PTPRG: variants seen among roughly 807,000 people sequenced by gnomAD.
PTPRG encodes protein tyrosine phosphatase receptor type G, also known as receptor-type tyrosine-protein phosphatase gamma.
PTPRG carries 102 observed loss-of-function variants against 165.3 expected under a neutral mutation model. The observed-to-expected ratio is 0.62, with a 90% CI of 0.53 to 0.73. PTPRG has a LOEUF of 0.73. Among genes scored for constraint, PTPRG ranks in the 30% least tolerant of loss-of-function variants. The pLI is 0.00. For synonymous variants in PTPRG, 675 were observed against 669.5 expected, an observed-to-expected ratio of 1.01 and a Z score of -0.13; for missense variants, 1,866 against 1,861.4, an observed-to-expected ratio of 1.00 and a Z score of -0.05.
At chr3:61,632,113 T>G (rs1238222462) in intron 1 of PTPRG, among the ~76,000 whole-genome samples, 3 of 152,136 alleles carry the variant, frequency 2.0e-5, no homozygotes, top group Non-Finnish European at 4.4e-5. Context: ...AAGACCAGCC[T>G]TGGCAACATG....
At chr3:61,569,192 T>G (rs1352502593) in intron 1 of PTPRG, among the ~76,000 whole-genome samples, 3 of 152,200 alleles carry the variant, frequency 2.0e-5, no homozygotes. Flanking sequence ...GCTTTTCTAT[T>G]TGTTTTCTAA....
At chr3:61,653,891 G>A (rs1354951776) in intron 1 of PTPRG, among the ~76,000 whole-genome samples, 1 of 27,384 alleles carries the variant, frequency 3.7e-5, no homozygotes, top group Non-Finnish European at 8.7e-5. Flanking sequence ...TTGTTAAGCG[G>A]GGAGCGGTGG....
intron 14 of PTPRG, among the ~76,000 whole-genome samples, chr3:62,235,917 A>T (rs774482256): frequency 3.3e-5 from 5 of 152,070 alleles, no homozygotes; most frequent in Non-Finnish European, 7.4e-5. Context: ...ATGCCCTGGG[A>T]CTTCCACAGC....
At chr3:62,072,539 G>T (rs1307296605) in intron 4 of PTPRG, among the ~76,000 whole-genome samples, 1 of 151,948 alleles carries the variant, frequency 6.6e-6, no homozygotes, top group African/African-American at 2.4e-5. Flanking sequence ...ATTGTGCCCT[G>T]GTGCAAGCAG....
At chr3:61,916,709 T>C (rs1403237638) in intron 2 of PTPRG, among the ~76,000 whole-genome samples, 2 of 152,236 alleles carry the variant, frequency 1.3e-5, no homozygotes, top group Non-Finnish European at 2.9e-5. Context: ...ATCTATTTTA[T>C]CCTCATAACA....
At chr3:61,615,484 AT>A (rs1359943506) in intron 1 of PTPRG, among the ~76,000 whole-genome samples, 2 of 152,148 alleles carry the variant, frequency 1.3e-5, no homozygotes, top group African/African-American at 4.8e-5. Flanking sequence ...AGGTGATTTG[AT>A]TTGTCCCATT....
chr3:62,138,687 C>T (rs1703807426), intron 6 of PTPRG, among the ~76,000 whole-genome samples: 1 of 139,758 alleles, frequency 7.2e-6, no homozygotes, highest in African/African-American at 2.6e-5. Flanking sequence ...CCATTGTACT[C>T]CAGCCTCAGT....
At chr3:61,919,029 A>G (rs149534087) in intron 2 of PTPRG, among the ~76,000 whole-genome samples, 1,626 of 152,238 alleles carry the variant, frequency 0.011, 36 homozygotes, top group South Asian at 0.093. Flanking sequence ...GTGTAGTAGG[A>G]GAGTTGGTTT....
rs545629400 is a variant in PTPRG at position 61,860,128 on chromosome 3, C to G, written c.190+111146C>G. On this transcript the variant is annotated intron_variant, in intron 2 of 29. Transcript: ENST00000474889. ...TCCTGTTACTAAAGATGTTGAGACA[C>G]AGAAGAGGAAATATTGTATGTACAT... Among the ~76,000 whole-genome samples the G allele has an allele frequency of 7.9e-5, 12 of 152,240 alleles. No individual in the cohort carries two copies. The South Asian group carries it at 2.5e-3, about 32-fold the overall frequency.
intron 2 of PTPRG, among the ~76,000 whole-genome samples, chr3:61,895,520 T>C (rs1480342334): frequency 2.6e-5 from 4 of 152,230 alleles, no homozygotes; most frequent in African/African-American, 7.2e-5. Context: ...CATATAAATG[T>C]ATAGGATTTT....
Position 62,195,652 on chromosome 3 carries a change from T to C in PTPRG, c.1327+482T>C, listed in dbSNP as rs554987180. On this transcript the variant is annotated intron_variant, in intron 10 of 29. Transcript: ENST00000474889. This position sits in a 1 kb window ranked among gnomAD's most constrained non-coding sequence, Gnocchi z 4.4. Reference sequence around the variant, plus strand: ...GAGATTCCTGGATCTAGATAGATGGTCCTGATGACTTAGGGACTAATAGAA... The same window carrying C: ...GAGATTCCTGGATCTAGATAGATGGCCCTGATGACTTAGGGACTAATAGAA... Among the ~76,000 whole-genome samples, 1 of 152,286 alleles carries C rather than the reference T, an allele frequency of 6.6e-6. No individual in the cohort carries two copies. The highest frequency in any genetic ancestry group is 2.4e-5 in the African/African-American group (1 of 41,566).
At chr3:61,980,923 A>G (rs1482988759) in intron 2 of PTPRG, among the ~76,000 whole-genome samples, 1 of 152,170 alleles carries the variant, frequency 6.6e-6, no homozygotes, top group Non-Finnish European at 1.5e-5. Flanking sequence ...GCTCTGAACA[A>G]AATTTTGGGC....
chr3:62,023,965 C>A (rs2041754040), intron 4 of PTPRG, among the ~76,000 whole-genome samples: 1 of 151,966 alleles, frequency 6.6e-6, no homozygotes, highest in Admixed American at 6.5e-5. Context: ...TAGGATGTAT[C>A]CTAATTGTTT....
intron 2 of PTPRG, among the ~76,000 whole-genome samples, chr3:61,849,116 A>G (rs2036888341): frequency 6.6e-6 from 1 of 152,238 alleles, no homozygotes; most frequent in Non-Finnish European, 1.5e-5. Context: ...AAACACTCCA[A>G]GTATTCCTCT....
chr3:61,753,653 C>A, intron 2 of PTPRG: 1 of 432,688 alleles, frequency 2.3e-6, no homozygotes, highest in South Asian at 1.6e-5. Context: ...GCCTCGATCT[C>A]AGCTCACTGC....
intron 1 of PTPRG, among the ~76,000 whole-genome samples, chr3:61,745,555 C>T: frequency 6.6e-6 from 1 of 152,190 alleles, no homozygotes; most frequent in Non-Finnish European, 1.5e-5. Context: ...CAATACTTTG[C>T]GTAGTGTGAG....
intron 6 of PTPRG, among the ~76,000 whole-genome samples, chr3:62,147,533 T>G (rs896310470): frequency 2.0e-5 from 3 of 152,226 alleles, no homozygotes; most frequent in African/African-American, 7.2e-5. Context: ...ATCTTTGAGT[T>G]CATATCAAGT....
chr3:62,258,374 T>C (rs1189836553), intron 16 of PTPRG, among the ~76,000 whole-genome samples: 1 of 152,078 alleles, frequency 6.6e-6, no homozygotes, highest in Non-Finnish European at 1.5e-5. Flanking sequence ...CCTCAAAGAG[T>C]TCAATCTGGT....
intron 2 of PTPRG, among the ~76,000 whole-genome samples, chr3:61,777,206 T>C (rs1360840547): frequency 6.6e-6 from 1 of 152,246 alleles, no homozygotes; most frequent in Non-Finnish European, 1.5e-5. Context: ...CAGAAGTTTC[T>C]ACAATGATGG....
Sources: allele counts gnomAD v4.1 joint callset (sites outside exome capture counted in the v4.1 genomes callset), GRCh38; gene constraint gnomAD v4.1.1; non-coding constraint Gnocchi (gnomAD v3.1); transcripts MANE v1.5; gene names NCBI Gene and HGNC (gene_info 2026-07-23, HGNC 2026-07-21).